Variants in SRRT observed in about 807,000 individuals in gnomAD.
The protein encoded by SRRT is serrate, RNA effector molecule.
A neutral mutation model predicts 103.2 loss-of-function variants in SRRT; 32 were observed. The ratio of observed to expected loss-of-function variants is 0.31; its 90% CI spans 0.23 to 0.42. SRRT has a LOEUF of 0.42. Among genes scored for constraint, SRRT ranks in the 10% least tolerant of loss-of-function variants. The pLI, the probability that SRRT is intolerant of heterozygous loss-of-function variation, is 1.00. For missense variants in SRRT, 986 were observed against 1,207.5 expected (o/e 0.82, Z 2.72); for synonymous variants, 525 against 449.0 (o/e 1.17, Z -2.14).
chr7:100,879,080 C>G lies in SRRT; in HGVS notation c.123-2205C>G, dbSNP rs565761646. On this transcript the variant is annotated intron_variant, in intron 2 of 19. Coordinates refer to ENST00000611405, the MANE Select transcript of SRRT (RefSeq NM_015908.6). The stretch of plus-strand genomic sequence containing the variant: ...AAACGATTCTCCCACCTCAGCCTCC[C>G]GAGTAGTTGGGATTACAGGTGCCTG... Among the ~76,000 whole-genome samples, 6 of 152,124 alleles carry G rather than the reference C, an allele frequency of 3.9e-5. No individual in the cohort carries two copies. In the South Asian group the frequency reaches 1.0e-3, roughly 26 times the overall value.
At position 100,884,106 on chromosome 7, in the gene SRRT, G is replaced by A. The variant is rs2115829606; in HGVS notation, c.624G>A (p.Lys208=). ...RSKYHPDEVG[K]RRQEARGALQ... ...AGTACCACCCAGATGAGGTGGGGAAGCGTCGGCAGGAGGCCCGGGGGGCCC... is the reference window on the plus strand; with the variant it reads ...AGTACCACCCAGATGAGGTGGGGAAACGTCGGCAGGAGGCCCGGGGGGCCC... The change falls in exon 6 of 20, where the codon AAG becomes AAA. Residue 208 remains lysine, a synonymous_variant. Transcript: ENST00000611405. 6 of 1,608,378 alleles carry A rather than the reference G, an allele frequency of 3.7e-6. No homozygotes were observed. The East Asian group carries it at 1.3e-4, about 36-fold the overall frequency.
rs1345140021 is a variant in SRRT, at chr7:100,881,915, C to T, written c.398+110C>T. On this transcript the variant is annotated intron_variant, in intron 4 of 19. Transcript: ENST00000611405. ...GGGTCAGGCACACAGAGGCATGTCCCTGGGGTAGGGGTGGTAGCTGTTGGG... is the reference window on the plus strand; with the variant it reads ...GGGTCAGGCACACAGAGGCATGTCCTTGGGGTAGGGGTGGTAGCTGTTGGG... 9 of 1,483,452 alleles carry T rather than the reference C, an allele frequency of 6.1e-6. No homozygotes were observed. In the South Asian group the frequency reaches 6.6e-5, roughly 11 times the overall value. 91.9% of individuals were successfully genotyped at this position (1,483,452 alleles called of 1,614,324 possible).
chr7:100,885,542 G>T lies in SRRT; in HGVS notation c.1318-159G>T. The T allele has an allele frequency of 9.3e-7, 1 of 1,073,240 alleles. No homozygotes were observed. The highest frequency in any genetic ancestry group is 1.4e-6 in the Non-Finnish European group (1 of 739,316). 66.5% of individuals were successfully genotyped at this position (1,073,240 alleles called of 1,614,324 possible). ...TCCTGATAGCGCCATTGGCTTTCAG[G>T]TGCTGGTGTTCTGAAGCCCTTTAGT... On this transcript the variant is annotated intron_variant, in intron 10 of 19. Coordinates refer to ENST00000611405, the MANE Select transcript of SRRT (RefSeq NM_015908.6). The surrounding 1 kb of genome is among the most constrained non-coding windows in gnomAD (Gnocchi z 4.8).
In SRRT at chr7:100,887,100, C is replaced by T. The variant is rs373796549; in HGVS notation, c.1875C>T (p.Tyr625=). ...GCATCGTGCATTCCTTGGATTATTA[C>T]AACACCTGTGAGTACCCCAACGAGG... ...YLRIVHSLDY[Y]NTCEYPNEDE... is the part of the protein sequence containing the mutation. The change falls in exon 15 of 20, where the codon TAC becomes TAT. Residue 625 remains tyrosine (Y), a synonymous_variant. Transcript: ENST00000611405. The surrounding 1 kb of genome is among the most constrained non-coding windows in gnomAD (Gnocchi z 4.1). 6.2e-7 allele frequency: 1 copy of T among 1,614,240 alleles called. No individual in the cohort carries two copies. Among genetic ancestry groups the T allele is most frequent in the South Asian group, 1.1e-5 (1 of 91,088 alleles).
At chr7:100,886,512 C>A in intron 13 of SRRT, 77 bp downstream of exon 13, 1 of 1,440,948 alleles carries the variant, frequency 6.9e-7, no homozygotes, top group Non-Finnish European at 9.3e-7. Flanking sequence ...CCTTACCTAT[C>A]TGTAGCCTTG....
intron 2 of SRRT, among the ~76,000 whole-genome samples, chr7:100,880,246 G>T (rs192358717): frequency 1.3e-5 from 2 of 152,184 alleles, no homozygotes; most frequent in Admixed American, 1.3e-4. Context: ...AGTGGGGAGC[G>T]GGAGGAGGAA....
At chr7:100,875,835 GT>G in intron 2 of SRRT, 123 bp downstream of exon 2, 1 of 1,249,494 alleles carries the variant, frequency 8.0e-7, no homozygotes, top group Admixed American at 2.0e-5. Flanking sequence ...TCATTGGACC[GT>G]TTTCTGTGGT....
chr7:100,879,824 A>AAAG (rs992304050), intron 2 of SRRT, among the ~76,000 whole-genome samples: 44 of 149,878 alleles, frequency 2.9e-4, no homozygotes, highest in South Asian at 6.3e-4. Flanking sequence ...AAAAAAAAAA[A>AAAG]AAGAAGAAGA....
Position 100,888,630 on chromosome 7 carries a change from T to G in SRRT, c.*81T>G, listed in dbSNP as rs1368285895. On this transcript the variant is annotated 3_prime_UTR_variant, in exon 20 of 20. Transcript: ENST00000611405. The stretch of plus-strand genomic sequence containing the variant: ...GAAGCTCTGAGAATTTTTTGTACGA[T>G]CAGCCTTACTGCTAATAAAAGCACT... 8.3e-6 allele frequency: 13 copies of G among 1,566,496 alleles called. No individual in the cohort carries two copies. Among genetic ancestry groups the G allele is most frequent in the Non-Finnish European group, 1.1e-5 (13 of 1,137,698 alleles).
chr7:100,886,103 T>C (rs1435771359), intron 12 of SRRT, 144 bp from the exon 13 acceptor site: 8 of 1,250,090 alleles, frequency 6.4e-6, no homozygotes, highest in South Asian at 1.4e-5. Context: ...GGCGTTAGCA[T>C]GGACGGAACC....
intron 2 of SRRT, among the ~76,000 whole-genome samples, chr7:100,876,948 A>T (rs1007542468): frequency 6.6e-6 from 1 of 152,116 alleles, no homozygotes; most frequent in African/African-American, 2.4e-5. Flanking sequence ...AGCATATTCT[A>T]GTTTGGTTAG....
At chr7:100,880,248 G>A (rs541991168) in intron 2 of SRRT, among the ~76,000 whole-genome samples, 2 of 152,340 alleles carry the variant, frequency 1.3e-5, no homozygotes, top group South Asian at 4.1e-4. Context: ...TGGGGAGCGG[G>A]AGGAGGAAAA....
At position 100,885,957 on chromosome 7, in the gene SRRT, G is replaced by A. The variant is rs771668214; in HGVS notation, c.1458+16G>A. 4.3e-6 allele frequency: 7 copies of A among 1,613,100 alleles called. No homozygotes were observed. In the Admixed American group the frequency reaches 8.3e-5, roughly 19 times the overall value. ...GAACATCCGTGTGAGTGCTGGGGGT[G>A]GGACTGTGGGGAAGAGGAAGGGAGA... is the stretch of plus-strand genomic sequence containing the variant. On this transcript the variant is annotated intron_variant, in intron 12 of 19. Transcript: ENST00000611405. The surrounding 1 kb of genome is among the most constrained non-coding windows in gnomAD (Gnocchi z 4.8).
chr7:100,886,851 A>G lies in SRRT; in HGVS notation c.1704A>G (p.Glu568=), dbSNP rs1468020314. 6.2e-7 allele frequency: 1 copy of G among 1,614,186 alleles called. No individual in the cohort carries two copies. The highest frequency in any genetic ancestry group is 2.2e-5 in the East Asian group (1 of 44,874). ...LKNITDYLIE[E]VSAEEEELLG... Reference sequence around the variant, plus strand: ...ATATCACCGACTACCTGATCGAGGAAGTAAGCGCCGAGGAGGAGGAGCTGC... The same window carrying G: ...ATATCACCGACTACCTGATCGAGGAGGTAAGCGCCGAGGAGGAGGAGCTGC... The change falls in exon 14 of 20, where the codon GAA becomes GAG. Residue 568 remains glutamate (E), a synonymous_variant. Transcript: ENST00000611405.
chr7:100,880,991 G>A (rs2115776977), intron 2 of SRRT, among the ~76,000 whole-genome samples: 1 of 152,334 alleles, frequency 6.6e-6, no homozygotes, highest in Middle Eastern at 3.4e-3. Flanking sequence ...TCTGTTAGGA[G>A]CGAAGTTTTA....
At position 100,882,455 on chromosome 7, in the gene SRRT, C is replaced by T. The variant is rs915088133; in HGVS notation, c.587+214C>T. 1 of 529,420 alleles carries T rather than the reference C, an allele frequency of 1.9e-6. No homozygotes were observed. Among genetic ancestry groups the T allele is most frequent in the African/African-American group, 1.9e-5 (1 of 52,010 alleles). The allele number at this position is 529,420 out of a possible 1,614,324, so 32.8% of individuals were successfully genotyped here. ...GCCCTGTCTCCTGTCCTGCTGTCCTCAGAGAGTGGGACACCTCCAGGCAGC... is the reference window on the plus strand; with the variant it reads ...GCCCTGTCTCCTGTCCTGCTGTCCTTAGAGAGTGGGACACCTCCAGGCAGC... On this transcript the variant is annotated intron_variant, in intron 5 of 19. Coordinates refer to ENST00000611405, the MANE Select transcript of SRRT (RefSeq NM_015908.6). This position sits in a 1 kb window ranked among gnomAD's most constrained non-coding sequence, Gnocchi z 4.2.
intron 2 of SRRT, 62 bp downstream of exon 2, chr7:100,875,774 T>A (rs2115683287): frequency 6.3e-7 from 1 of 1,588,888 alleles, no homozygotes; most frequent in Non-Finnish European, 8.6e-7. Context: ...CCCGCGTCGC[T>A]TTTCTTTCTC....
rs1271405612 is a variant in SRRT, at chr7:100,887,427, C to G, written c.2083C>G (p.Gln695Glu). 1 of 1,614,184 alleles carries G rather than the reference C, an allele frequency of 6.2e-7. No individual in the cohort carries two copies. Among genetic ancestry groups the G allele is most frequent in the African/African-American group, 1.3e-5 (1 of 75,030 alleles). ...GAAGATGGGGCGCAAAGACCCAGAG[C>G]AGGAAGTGGAGAAGTTCGTCACCTC... ...AQKMGRKDPE[Q>E]EVEKFVTSNT... is the part of the protein sequence containing the mutation. Residue 695 changes from glutamine to glutamate, a missense_variant, in exon 16 of 20, where the codon CAG (glutamine) becomes GAG (glutamate). Coordinates refer to ENST00000611405, the MANE Select transcript of SRRT (RefSeq NM_015908.6). This position sits in a 1 kb window ranked among gnomAD's most constrained non-coding sequence, Gnocchi z 4.1.
Position 100,888,122 on chromosome 7 carries a change from C to G in SRRT, c.2407C>G (p.Pro803Ala). Residue 803 changes from proline (P) to alanine (A), a missense_variant, in exon 18 of 20, where the codon CCC becomes GCC. This residue lies in a region of SRRT where 178 missense variants were observed against 189.6 expected (regional missense o/e 0.94). Transcript: ENST00000611405. ...CCTGATGCCCTATGGTCAGCCCCGG[C>G]CCCCGATCTTGGGCTATGGAGGTAA... ...QGLMPYGQPR[P>A]PILGYGAGAV... The G allele has an allele frequency of 2.5e-6, 4 of 1,610,218 alleles. No homozygotes were observed. Among genetic ancestry groups the G allele is most frequent in the Non-Finnish European group, 3.4e-6 (4 of 1,177,964 alleles).
Sources: allele counts gnomAD v4.1 joint callset (sites outside exome capture counted in the v4.1 genomes callset), GRCh38; gene constraint gnomAD v4.1.1; regional missense constraint gnomAD v4.1.1; non-coding constraint Gnocchi (gnomAD v3.1); transcripts MANE v1.5; gene names NCBI Gene and HGNC (gene_info 2026-07-23, HGNC 2026-07-21).